The following ABLIM1 variants were observed in gnomAD, a reference collection of about 807,000 sequenced individuals.
The protein encoded by ABLIM1 is actin-binding LIM protein 1.
In ABLIM1, 40 loss-of-function variants were observed where a neutral mutation model predicts 107.0. The observed-to-expected ratio is 0.37, with a 90% CI of 0.29 to 0.49. ABLIM1 has a LOEUF of 0.49. Among genes scored for constraint, ABLIM1 ranks in the 20% least tolerant of loss-of-function variants. The pLI, the probability that ABLIM1 is intolerant of heterozygous loss-of-function variation, is 0.97. For synonymous variants in ABLIM1, 357 were observed against 357.3 expected, an observed-to-expected ratio of 1.00 and a Z score of 0.01; for missense variants, 857 against 1,008.5, an observed-to-expected ratio of 0.85 and a Z score of 2.04.
intron 1 of ABLIM1, among the ~76,000 whole-genome samples, chr10:114,605,421 C>T (rs568377321): frequency 6.6e-6 from 1 of 152,268 alleles, no homozygotes; most frequent in South Asian, 2.1e-4. Flanking sequence ...ACTGTTCCAT[C>T]TTTCAAGGCC....
At chr10:114,575,279 G>T in intron 3 of ABLIM1, 137 bp downstream of exon 3, 1 of 952,442 alleles carries the variant, frequency 1.0e-6, no homozygotes, top group Non-Finnish European at 1.6e-6. Flanking sequence ...AGGACTGATA[G>T]TACAGTAAGA....
At chr10:114,741,927 T>C (rs554433884) in intron 1 of ABLIM1, among the ~76,000 whole-genome samples, 1 of 152,340 alleles carries the variant, frequency 6.6e-6, no homozygotes, top group South Asian at 2.1e-4. Flanking sequence ...TGGAATGTTA[T>C]GCAGTCATAA....
the ABLIM1 span, among the ~76,000 whole-genome samples, chr10:114,781,746 T>C: frequency 6.6e-6 from 1 of 151,042 alleles, no homozygotes; most frequent in Non-Finnish European, 1.5e-5. Context: ...AAGGTTTATT[T>C]TTAATAAAGA....
chr10:114,704,224 G>A (rs2081359713), intron 1 of ABLIM1, among the ~76,000 whole-genome samples: 1 of 146,134 alleles, frequency 6.8e-6, no homozygotes, highest in Non-Finnish European at 1.5e-5. Flanking sequence ...TCTAGTTAGT[G>A]ACTCGAACAA....
intron 6 of ABLIM1, among the ~76,000 whole-genome samples, chr10:114,508,321 C>T (rs746943811): frequency 6.6e-6 from 1 of 152,128 alleles, no homozygotes; most frequent in African/African-American, 2.4e-5. Flanking sequence ...ATTTCTCAGG[C>T]GCCTTATTTG....
chr10:114,493,977 G>A (rs1234104780), intron 6 of ABLIM1, among the ~76,000 whole-genome samples: 1 of 152,168 alleles, frequency 6.6e-6, no homozygotes, highest in Non-Finnish European at 1.5e-5. Context: ...CAGCAATAAG[G>A]AAGGATTTTC....
intron 1 of ABLIM1, among the ~76,000 whole-genome samples, chr10:114,663,558 G>A (rs1309566595): frequency 1.3e-5 from 2 of 152,208 alleles, no homozygotes; most frequent in Non-Finnish European, 2.9e-5. Flanking sequence ...GCTCTGCTAG[G>A]AGAGGAAAAT....
At chr10:114,751,523 C>T (rs1238488811) in intron 1 of ABLIM1, among the ~76,000 whole-genome samples, 1 of 151,750 alleles carries the variant, frequency 6.6e-6, no homozygotes, top group Admixed American at 6.6e-5. Flanking sequence ...GAGGCTGAGG[C>T]GGCAGATCAC....
At chr10:114,727,272 C>T (rs1383033625) in intron 1 of ABLIM1, among the ~76,000 whole-genome samples, 1 of 152,144 alleles carries the variant, frequency 6.6e-6, no homozygotes, top group African/African-American at 2.4e-5. Context: ...TAATAGTTAA[C>T]AAGATAAAAT....
chr10:114,706,638 GC>G (rs2081428108), intron 1 of ABLIM1, among the ~76,000 whole-genome samples: 1 of 152,160 alleles, frequency 6.6e-6, no homozygotes, highest in African/African-American at 2.4e-5. Context: ...ATGTAATGAA[GC>G]CTGAGGCTAA....
chr10:114,798,556 A>ACGC, the ABLIM1 span, among the ~76,000 whole-genome samples: 2 of 125,996 alleles, frequency 1.6e-5, no homozygotes, highest in Non-Finnish European at 3.3e-5. Flanking sequence ...AGATGATGAG[A>ACGC]CCCCCCCCCC....
At chr10:114,559,331 G>A (rs768262852) in intron 4 of ABLIM1, among the ~76,000 whole-genome samples, 2 of 150,554 alleles carry the variant, frequency 1.3e-5, no homozygotes, top group African/African-American at 2.4e-5. Context: ...AGTCGGGTGT[G>A]GTGGCACATG....
chr10:114,471,784 CTG>C (rs2066624669), intron 10 of ABLIM1, among the ~76,000 whole-genome samples: 1 of 152,070 alleles, frequency 6.6e-6, no homozygotes, highest in Non-Finnish European at 1.5e-5. Flanking sequence ...CCTCAAAGCA[CTG>C]TGAGATGCTA....
intron 2 of ABLIM1, among the ~76,000 whole-genome samples, chr10:114,582,378 A>T (rs903673852): frequency 1.3e-5 from 2 of 152,192 alleles, no homozygotes; most frequent in African/African-American, 4.8e-5. Flanking sequence ...ACAAACAAAA[A>T]ACACATTCCA....
At chr10:114,776,805 G>A in the ABLIM1 span, among the ~76,000 whole-genome samples, 1 of 152,000 alleles carries the variant, frequency 6.6e-6, no homozygotes, top group African/African-American at 2.4e-5. Context: ...CCCTGTAGAG[G>A]CAGGGTCCAA....
chr10:114,692,645 A>C (rs1344668404), intron 1 of ABLIM1, among the ~76,000 whole-genome samples: 2 of 152,234 alleles, frequency 1.3e-5, no homozygotes, highest in African/African-American at 4.8e-5. Context: ...TAATCCCAGC[A>C]CTTTGGGAGG....
At chr10:114,606,439 T>C (rs144773816) in intron 1 of ABLIM1, among the ~76,000 whole-genome samples, 3,679 of 152,202 alleles carry the variant, frequency 0.024, 149 homozygotes, top group African/African-American at 0.083. Flanking sequence ...TTTCCCCATG[T>C]TGGCCAGGAT....
chr10:114,463,434 A>G (rs1376535572), intron 12 of ABLIM1, among the ~76,000 whole-genome samples: 1 of 152,134 alleles, frequency 6.6e-6, no homozygotes, highest in Non-Finnish European at 1.5e-5. Context: ...GGTCACCCGG[A>G]TGGTCTCTGT....
chr10:114,688,395 A>G (rs2080994064), upstream of ABLIM1, among the ~76,000 whole-genome samples: 1 of 152,164 alleles, frequency 6.6e-6, no homozygotes, highest in Non-Finnish European at 1.5e-5. Flanking sequence ...ACAGGAAAAA[A>G]GTAATGTTTG....
Sources: allele counts gnomAD v4.1 joint callset (sites outside exome capture counted in the v4.1 genomes callset), GRCh38; gene constraint gnomAD v4.1.1; transcripts MANE v1.5; gene names NCBI Gene and HGNC (gene_info 2026-07-23, HGNC 2026-07-21).